The following NAALADL2 variants were observed in gnomAD, a reference collection of about 807,000 sequenced individuals.
NAALADL2 encodes the protein N-acetylated alpha-linked acidic dipeptidase like 2.
A neutral mutation model predicts 87.2 loss-of-function variants in NAALADL2; 76 were observed. The observed-to-expected ratio is 0.87, with a 90% confidence interval of 0.72 to 1.05. The LOEUF (loss-of-function observed/expected upper bound fraction) is 1.05, where lower values mean the gene tolerates loss of function less well. Among genes scored for constraint, NAALADL2 ranks in the 50% least tolerant of loss-of-function variants. NAALADL2 has a pLI of 0.00. For synonymous variants in NAALADL2, 354 were observed against 331.0 expected (o/e 1.07, Z -0.75); for missense variants, 1,089 against 945.8 (o/e 1.15, Z -1.99).
chr3:175,350,758 T>C (rs6763312), intron 5 of NAALADL2, among the ~76,000 whole-genome samples: 75,270 of 151,742 alleles, frequency 0.5, 18,805 homozygotes, highest in African/African-American at 0.51. Flanking sequence ...AAGTAAACTG[T>C]CTCTCCTCCC....
At chr3:174,933,966 G>A (rs1737292143) in intron 1 of NAALADL2, among the ~76,000 whole-genome samples, 1 of 152,056 alleles carries the variant, frequency 6.6e-6, no homozygotes, top group Non-Finnish European at 1.5e-5. Context: ...TTTCTTAACT[G>A]TTCTGAATCT....
intron 12 of NAALADL2, among the ~76,000 whole-genome samples, chr3:175,749,129 G>A (rs797005177): frequency 1.5e-5 from 2 of 133,946 alleles, no homozygotes; most frequent in Non-Finnish European, 3.2e-5. Context: ...AGGGAGGGGA[G>A]GAGAAGGGAG....
At chr3:174,988,955 G>A (rs1382578279) in intron 1 of NAALADL2, among the ~76,000 whole-genome samples, 1 of 152,172 alleles carries the variant, frequency 6.6e-6, no homozygotes, top group Non-Finnish European at 1.5e-5. Flanking sequence ...AAAAAGCATG[G>A]CACTTGCATC....
At chr3:175,110,992 A>G (rs1300207364) in intron 2 of NAALADL2, among the ~76,000 whole-genome samples, 1 of 151,716 alleles carries the variant, frequency 6.6e-6, no homozygotes, top group Non-Finnish European at 1.5e-5. Flanking sequence ...GGATCACAAC[A>G]TTACTCTAGT....
intron 5 of NAALADL2, among the ~76,000 whole-genome samples, chr3:175,368,758 T>C (rs1242448270): frequency 2.0e-5 from 3 of 152,160 alleles, no homozygotes; most frequent in Non-Finnish European, 4.4e-5. Context: ...AACTAGGTTA[T>C]GTCGTATAGC....
chr3:175,676,182 C>T (rs1312659267), intron 11 of NAALADL2: 2 of 152,166 alleles, frequency 1.3e-5, no homozygotes, highest in Non-Finnish European at 2.9e-5. Flanking sequence ...ATCTCTCCCT[C>T]CAAATAACAT....
chr3:175,116,222 G>T (rs954770671), intron 2 of NAALADL2, among the ~76,000 whole-genome samples: 1 of 152,036 alleles, frequency 6.6e-6, no homozygotes, highest in Non-Finnish European at 1.5e-5. Context: ...AGTGTTGGAA[G>T]TTCTGGCCAG....
chr3:175,350,033 G>A (rs1417361056), intron 5 of NAALADL2, among the ~76,000 whole-genome samples: 33 of 143,608 alleles, frequency 2.3e-4, no homozygotes, highest in African/African-American at 8.3e-4. Flanking sequence ...ATGCTTTCCA[G>A]TTACAAACAC....
At chr3:174,875,463 GT>G (rs1728390915) in intron 1 of NAALADL2, among the ~76,000 whole-genome samples, 1 of 152,048 alleles carries the variant, frequency 6.6e-6, no homozygotes, top group Non-Finnish European at 1.5e-5. Flanking sequence ...GAATTTTTAT[GT>G]TTATGTACCT....
chr3:174,707,330 T>C (rs1730175832), intron 2 of NAALADL2, among the ~76,000 whole-genome samples: 1 of 152,104 alleles, frequency 6.6e-6, no homozygotes, highest in Non-Finnish European at 1.5e-5. Flanking sequence ...CATGCTGCTA[T>C]AAAGACACAT....
chr3:174,885,630 A>G (rs761813434), intron 1 of NAALADL2, among the ~76,000 whole-genome samples: 4 of 152,074 alleles, frequency 2.6e-5, no homozygotes, highest in Non-Finnish European at 5.9e-5. Context: ...GGGTCTAATC[A>G]TATTAAGCAG....
At position 174,513,349 on chromosome 3, in the gene NAALADL2, C is replaced by T. The variant is rs978455487; in HGVS notation, c.-183-37220C>T. Among the ~76,000 whole-genome samples the T allele has an allele frequency of 2.6e-5, 4 of 152,156 alleles. No homozygotes were observed. In the East Asian group the frequency reaches 7.7e-4, roughly 29 times the overall value. On this transcript the variant is annotated intron_variant, in intron 1 of 3. Coordinates refer to the NAALADL2 transcript ENST00000434257. ...TAATTTATTCTAAGTATCTACTTCT[C>T]TTAATGATTTATTTTTTCACCAGTA...
intron 11 of NAALADL2, among the ~76,000 whole-genome samples, chr3:175,734,548 C>A (rs753329854): frequency 1.3e-5 from 2 of 151,862 alleles, no homozygotes; most frequent in African/African-American, 2.4e-5. Context: ...CAGAGCGAGA[C>A]TCCGTTTCAA....
rs527298383 is a variant in NAALADL2, at chr3:174,653,310, A to G, written c.-114-84331A>G. Among the ~76,000 whole-genome samples the G allele has an allele frequency of 3.9e-5, 6 of 152,350 alleles. No individual in the cohort carries two copies. In the South Asian group the frequency reaches 1.2e-3, roughly 32 times the overall value. On this transcript the variant is annotated intron_variant, in intron 2 of 3. Transcript: ENST00000434257. ...GGATAAATGAATAATGGTAATTCATACAATAGAATGCTATAAGTAATAAAA... is the reference window on the plus strand; with the variant it reads ...GGATAAATGAATAATGGTAATTCATGCAATAGAATGCTATAAGTAATAAAA...
chr3:175,752,930 G>A (rs1746790629), intron 12 of NAALADL2, among the ~76,000 whole-genome samples: 1 of 152,084 alleles, frequency 6.6e-6, no homozygotes, highest in Non-Finnish European at 1.5e-5. Flanking sequence ...TTGTTTCCTT[G>A]TGCAGAGATA....
intron 9 of NAALADL2, among the ~76,000 whole-genome samples, chr3:175,475,024 T>TACACACACACACACAC (rs3040495): frequency 0.032 from 4,751 of 149,656 alleles, 100 homozygotes; most frequent in South Asian, 0.099. Context: ...AACATTTAAG[T>TACACACACACACACAC]ACACACACAC....
chr3:175,357,995 A>G (rs2148898318), intron 5 of NAALADL2, among the ~76,000 whole-genome samples: 1 of 152,318 alleles, frequency 6.6e-6, no homozygotes, highest in African/African-American at 2.4e-5. Flanking sequence ...CCTGGGGGGC[A>G]GCAGATAGCT....
chr3:174,715,924 G>C (rs1731141905), intron 2 of NAALADL2, among the ~76,000 whole-genome samples: 1 of 151,994 alleles, frequency 6.6e-6, no homozygotes. Flanking sequence ...TTTATTTTTT[G>C]TAGAATATGA....
intron 1 of NAALADL2, among the ~76,000 whole-genome samples, chr3:175,004,220 G>T (rs968516784): frequency 4.6e-5 from 7 of 151,750 alleles, no homozygotes; most frequent in African/African-American, 1.7e-4. Context: ...TTAAAAATAA[G>T]TAAGTAAGTA....
Sources: allele counts gnomAD v4.1 joint callset (sites outside exome capture counted in the v4.1 genomes callset), GRCh38; gene constraint gnomAD v4.1.1; transcripts MANE v1.5; gene names NCBI Gene and HGNC (gene_info 2026-07-23, HGNC 2026-07-21).